NLGN1: variants seen among roughly 807,000 people sequenced by gnomAD.
NLGN1 encodes the protein neuroligin 1.
Under a neutral mutation model 65.5 loss-of-function variants are expected in NLGN1, and 12 were observed. The observed-to-expected ratio is 0.18, with a 90% CI of 0.12 to 0.30. NLGN1 has a LOEUF of 0.30. Ranked by LOEUF, NLGN1 falls within the 10% of genes least tolerant of loss-of-function variation. The probability of loss-of-function intolerance (pLI) is 1.00; values close to 1 mark genes in which losing one functional copy is unlikely to be tolerated. For missense variants in NLGN1, 750 were observed against 1,007.1 expected, an observed-to-expected ratio of 0.74 and a Z score of 3.46; for synonymous variants, 350 against 359.5, an observed-to-expected ratio of 0.97 and a Z score of 0.30.
chr3:173,596,543 A>G (rs1419354557), intron 2 of NLGN1, among the ~76,000 whole-genome samples: 1 of 152,208 alleles, frequency 6.6e-6, no homozygotes, highest in Non-Finnish European at 1.5e-5. Flanking sequence ...TCTCTACCTC[A>G]TGGTACTTAG....
intron 4 of NLGN1, among the ~76,000 whole-genome samples, chr3:174,256,666 A>G (rs369434698): frequency 6.6e-6 from 1 of 152,102 alleles, no homozygotes; most frequent in South Asian, 2.1e-4. Flanking sequence ...TGGAAATGAA[A>G]TACCCCTATA....
At chr3:173,710,488 A>G (rs911310661) in intron 3 of NLGN1, among the ~76,000 whole-genome samples, 1 of 152,150 alleles carries the variant, frequency 6.6e-6, no homozygotes, top group Non-Finnish European at 1.5e-5. Flanking sequence ...ATTATTTTCT[A>G]TTGTTACGTA....
chr3:173,930,768 G>A (rs1178978354), intron 4 of NLGN1, among the ~76,000 whole-genome samples: 3 of 152,102 alleles, frequency 2.0e-5, no homozygotes, highest in Admixed American at 1.3e-4. Context: ...TGTGAATTAG[G>A]GAGGAGATTT....
At chr3:174,265,984 A>G (rs1748121510) in intron 4 of NLGN1, among the ~76,000 whole-genome samples, 2 of 147,868 alleles carry the variant, frequency 1.4e-5, no homozygotes, top group Non-Finnish European at 3.0e-5. Context: ...ATATATATGT[A>G]TATATGTATA....
chr3:173,756,065 C>T (rs1461794362), intron 3 of NLGN1, among the ~76,000 whole-genome samples: 2 of 151,936 alleles, frequency 1.3e-5, no homozygotes, highest in Admixed American at 1.3e-4. Flanking sequence ...AATAGAGCTA[C>T]AGAGAAGTCT....
At chr3:173,568,923 C>T (rs1427740200) in intron 2 of NLGN1, among the ~76,000 whole-genome samples, 6 of 152,216 alleles carry the variant, frequency 3.9e-5, no homozygotes, top group East Asian at 1.9e-4. Flanking sequence ...TGTGATCCAC[C>T]GGGCTCGGCC....
At chr3:173,565,391 G>T (rs1743469447) in intron 2 of NLGN1, among the ~76,000 whole-genome samples, 1 of 152,202 alleles carries the variant, frequency 6.6e-6, no homozygotes, top group Non-Finnish European at 1.5e-5. Context: ...GGATTTGGAA[G>T]TTGAGCAGCA....
At chr3:173,538,202 G>A (rs1302291992) in intron 2 of NLGN1, among the ~76,000 whole-genome samples, 15 of 152,142 alleles carry the variant, frequency 9.9e-5, no homozygotes, top group Admixed American at 3.9e-4. Flanking sequence ...GATTCAGACC[G>A]CATACAGCCT....
At chr3:174,113,013 C>G (rs920855543) in intron 4 of NLGN1, among the ~76,000 whole-genome samples, 1 of 151,780 alleles carries the variant, frequency 6.6e-6, no homozygotes, top group Admixed American at 6.6e-5. Context: ...TACATAGTAT[C>G]TTCTATAATT....
intron 4 of NLGN1, among the ~76,000 whole-genome samples, chr3:174,118,671 T>C (rs1233846976): frequency 6.6e-6 from 1 of 151,264 alleles, no homozygotes; most frequent in East Asian, 1.9e-4. Context: ...TATGGGGTGA[T>C]TTCAGGAGTA....
At chr3:173,863,288 A>G (rs186313951) in intron 4 of NLGN1, among the ~76,000 whole-genome samples, 5 of 152,240 alleles carry the variant, frequency 3.3e-5, no homozygotes. Context: ...TCTCCATGAC[A>G]TATACCTGCT....
chr3:174,037,358 A>T (rs1049607102), intron 4 of NLGN1, among the ~76,000 whole-genome samples: 2 of 152,208 alleles, frequency 1.3e-5, no homozygotes, highest in Non-Finnish European at 2.9e-5. Flanking sequence ...TAAAAACTAA[A>T]TAATCATCCG....
intron 4 of NLGN1, among the ~76,000 whole-genome samples, chr3:173,928,148 G>A (rs1579239421): frequency 6.6e-6 from 1 of 152,152 alleles, no homozygotes; most frequent in Admixed American, 6.5e-5. Flanking sequence ...CCTAAGTTGT[G>A]AGTTACCTAT....
intron 4 of NLGN1, among the ~76,000 whole-genome samples, chr3:174,126,118 A>G (rs1718893387): frequency 6.6e-6 from 1 of 152,132 alleles, no homozygotes; most frequent in African/African-American, 2.4e-5. Context: ...AAGAAGCCTT[A>G]TACTCTGTCA....
chr3:173,761,814 G>A (rs180948796), intron 3 of NLGN1, among the ~76,000 whole-genome samples: 1 of 152,010 alleles, frequency 6.6e-6, no homozygotes, highest in Non-Finnish European at 1.5e-5. Context: ...AATTGAGACA[G>A]ATAATGCAGA....
chr3:173,989,031 A>G (rs1041384619), intron 4 of NLGN1, among the ~76,000 whole-genome samples: 1 of 152,196 alleles, frequency 6.6e-6, no homozygotes, highest in Non-Finnish European at 1.5e-5. Context: ...AATTTTGATG[A>G]GTTGACACTT....
chr3:173,406,099 T>G (rs1718596510), intron 1 of NLGN1, among the ~76,000 whole-genome samples: 1 of 152,098 alleles, frequency 6.6e-6, no homozygotes. Context: ...TCCATACATA[T>G]CTTACTTGTT....
chr3:174,284,650 T>C (rs943188990), exon 7 of NLGN1: 1 of 151,326 alleles, frequency 6.6e-6, no homozygotes, highest in Non-Finnish European at 1.5e-5. Flanking sequence ...AAGTGACAGA[T>C]TTCATAGTTT....
At chr3:173,452,766 G>A (rs1225966031) in intron 2 of NLGN1, among the ~76,000 whole-genome samples, 2 of 152,092 alleles carry the variant, frequency 1.3e-5, no homozygotes, top group African/African-American at 4.8e-5. Flanking sequence ...GGAGATTCAG[G>A]GATACCTCAG....
Sources: gnomAD v4.1 joint callset for allele counts (sites outside exome capture counted in the v4.1 genomes callset) on GRCh38, gnomAD v4.1.1 for gene constraint, MANE v1.5 for transcripts, NCBI Gene and HGNC (gene_info 2026-07-23, HGNC 2026-07-21) for gene names.